ARFGEF2: variants seen among roughly 807,000 people sequenced by gnomAD.
ARFGEF2 encodes brefeldin A-inhibited guanine nucleotide-exchange protein 2.
Under a neutral mutation model 219.9 loss-of-function variants are expected in ARFGEF2, and 74 were observed. The observed-to-expected ratio is 0.34, with a 90% CI of 0.28 to 0.41. ARFGEF2 has a LOEUF of 0.41. ARFGEF2 is among the 10% of genes least tolerant of loss of function. The probability of loss-of-function intolerance (pLI) is 1.00; values close to 1 mark genes in which losing one functional copy is unlikely to be tolerated. For synonymous variants in ARFGEF2, 733 were observed against 799.2 expected, an observed-to-expected ratio of 0.92 and a Z score of 1.40; for missense variants, 1,743 against 2,218.3, an observed-to-expected ratio of 0.79 and a Z score of 4.30.
intron 1 of ARFGEF2, among the ~76,000 whole-genome samples, chr20:48,938,701 G>T (rs1014431221): frequency 5.3e-5 from 8 of 152,284 alleles, no homozygotes; most frequent in African/African-American, 1.4e-4. Context: ...AATTGAAGGT[G>T]TTTGAATTAC....
intron 26 of ARFGEF2, among the ~76,000 whole-genome samples, chr20:49,007,726 A>G (rs1218686741): frequency 6.7e-6 from 1 of 149,394 alleles, no homozygotes; most frequent in Non-Finnish European, 1.5e-5. Flanking sequence ...TAGTGTCTGT[A>G]TGTCTGCTTT....
chr20:48,929,174 A>G (rs1035054243), intron 1 of ARFGEF2, among the ~76,000 whole-genome samples: 11 of 152,148 alleles, frequency 7.2e-5, no homozygotes, highest in Admixed American at 3.3e-4. Context: ...ATAGTTTTGC[A>G]TTTGCTGATT....
At chr20:48,977,088 A>G (rs1568717138) in intron 14 of ARFGEF2, among the ~76,000 whole-genome samples, 1 of 151,878 alleles carries the variant, frequency 6.6e-6, no homozygotes, top group Non-Finnish European at 1.5e-5. Flanking sequence ...TTAACTCGTC[A>G]TTTACATTAG....
At chr20:48,923,457 A>T (rs1001410591) in intron 1 of ARFGEF2, among the ~76,000 whole-genome samples, 1 of 152,200 alleles carries the variant, frequency 6.6e-6, no homozygotes, top group Non-Finnish European at 1.5e-5. Flanking sequence ...GGGGCCAACT[A>T]TTGATGCAGA....
chr20:48,973,594 C>G (rs1346844450), intron 12 of ARFGEF2, among the ~76,000 whole-genome samples: 2 of 152,146 alleles, frequency 1.3e-5, no homozygotes, highest in South Asian at 4.1e-4. Flanking sequence ...CCATAGGAAG[C>G]AAATTCATTC....
At chr20:48,947,444 C>T (rs2091035423) in intron 3 of ARFGEF2, among the ~76,000 whole-genome samples, 1 of 151,868 alleles carries the variant, frequency 6.6e-6, no homozygotes, top group East Asian at 1.9e-4. Flanking sequence ...TGGTTCACGC[C>T]TATAATCCCA....
At chr20:48,994,632 G>T (rs1395381000) in intron 22 of ARFGEF2, 34 bp downstream of exon 22, 1 of 1,611,470 alleles carries the variant, frequency 6.2e-7, no homozygotes, top group Non-Finnish European at 8.5e-7. Context: ...AACAGTCACG[G>T]ATTTGCAAGC....
At chr20:48,981,656 A>G (rs1260128541) in intron 14 of ARFGEF2, among the ~76,000 whole-genome samples, 5 of 151,972 alleles carry the variant, frequency 3.3e-5, no homozygotes. Context: ...ATAGTCCCAT[A>G]TTTCTTGGAG....
At chr20:48,966,151 C>A in intron 8 of ARFGEF2, 128 bp downstream of exon 8, 1 of 1,154,956 alleles carries the variant, frequency 8.7e-7, no homozygotes, top group Non-Finnish European at 1.3e-6. Context: ...GTCACACAGT[C>A]CTGGGCTGAT....
chr20:48,933,329 C>T (rs2090925235), intron 1 of ARFGEF2, among the ~76,000 whole-genome samples: 1 of 152,168 alleles, frequency 6.6e-6, no homozygotes, highest in Admixed American at 6.5e-5. Flanking sequence ...GGAGTGCTGG[C>T]CCTCTAACAG....
intron 7 of ARFGEF2, among the ~76,000 whole-genome samples, chr20:48,964,422 TCTGA>T (rs1251416308): frequency 6.6e-6 from 1 of 152,130 alleles, no homozygotes; most frequent in Non-Finnish European, 1.5e-5. Flanking sequence ...AGACACATAG[TCTGA>T]CTGTGTTAGG....
At chr20:48,931,297 G>C (rs1005965247) in intron 1 of ARFGEF2, among the ~76,000 whole-genome samples, 1 of 151,938 alleles carries the variant, frequency 6.6e-6, no homozygotes, top group Non-Finnish European at 1.5e-5. Flanking sequence ...TTCAAGGAGA[G>C]GTTTGGTAAT....
intron 1 of ARFGEF2, 120 bp downstream of exon 1, chr20:48,922,130 C>T (rs992452937): frequency 1.0e-5 from 15 of 1,432,430 alleles, no homozygotes; most frequent in East Asian, 2.6e-5. Context: ...GAATTCCACC[C>T]TTCCGGCCTC....
In ARFGEF2 at chr20:48,963,891, C is replaced by T. The variant is rs1322690795; in HGVS notation, c.900C>T (p.Ala300=). The T allele has an allele frequency of 1.2e-6, 2 of 1,613,848 alleles. No homozygotes were observed. The highest frequency in any genetic ancestry group is 1.7e-6 in the Non-Finnish European group (2 of 1,179,896). The change falls in exon 7 of 39, where the codon GCC becomes GCT. Residue 300 remains alanine, a synonymous_variant. Coordinates refer to ENST00000371917, the MANE Select transcript of ARFGEF2 (RefSeq NM_006420.3). ...TCTTGGAAGATGTAGTCACATCTGC[C>T]ATTAAAGGTAAGAACCAAGGACAAC... ...KDILEDVVTS[A]IKEAAEKHGL...
intron 1 of ARFGEF2, among the ~76,000 whole-genome samples, chr20:48,924,511 C>CAAAAA (rs11476973): frequency 1.3e-5 from 1 of 78,444 alleles, no homozygotes; most frequent in Non-Finnish European, 2.4e-5. Flanking sequence ...GACTCTGTCT[C>CAAAAA]AAAAAAAAAA....
At chr20:48,996,599 C>T (rs1379101824) in intron 23 of ARFGEF2, among the ~76,000 whole-genome samples, 1 of 151,476 alleles carries the variant, frequency 6.6e-6, no homozygotes, top group African/African-American at 2.4e-5. Context: ...AAGAAATTAA[C>T]TGGGCATGGT....
intron 1 of ARFGEF2, 40 bp downstream of exon 1, chr20:48,922,050 GC>G (rs2090844586): frequency 6.4e-7 from 1 of 1,558,180 alleles, no homozygotes; most frequent in Non-Finnish European, 8.7e-7. Flanking sequence ...GCTGGCCTCA[GC>G]ACGTCGGCCG....
chr20:48,939,068 G>A (rs6066922), intron 1 of ARFGEF2, among the ~76,000 whole-genome samples: 36,648 of 150,152 alleles, frequency 0.24, 5,105 homozygotes, highest in East Asian at 0.47. Flanking sequence ...ACTGCTTCCC[G>A]GGTTCAAGCG....
intron 14 of ARFGEF2, among the ~76,000 whole-genome samples, chr20:48,977,925 G>T (rs981250122): frequency 7.9e-5 from 12 of 152,076 alleles, no homozygotes; most frequent in Non-Finnish European, 5.9e-5. Flanking sequence ...CATTCTGTAG[G>T]TTGCCTGTTC....
Sources: gnomAD v4.1 joint callset for allele counts (sites outside exome capture counted in the v4.1 genomes callset) on GRCh38, gnomAD v4.1.1 for gene constraint, MANE v1.5 for transcripts, NCBI Gene and HGNC (gene_info 2026-07-23, HGNC 2026-07-21) for gene names.